The following RGS6 variants were observed in gnomAD, a reference collection of about 807,000 sequenced individuals.
The protein encoded by RGS6 is regulator of G protein signaling 6.
A neutral mutation model predicts 78.5 loss-of-function variants in RGS6; 30 were observed. The ratio of observed to expected loss-of-function variants is 0.38; its 90% CI spans 0.29 to 0.52. The LOEUF is 0.52. RGS6 is among the 20% of genes least tolerant of loss of function. RGS6 has a pLI of 0.85. For missense variants in RGS6, 495 were observed against 609.7 expected (o/e 0.81, Z 1.98); for synonymous variants, 206 against 206.0 (o/e 1.00, Z 0.00).
intron 2 of RGS6, among the ~76,000 whole-genome samples, chr14:72,286,800 T>TCCCTC (rs1484335455): frequency 6.7e-6 from 1 of 149,662 alleles, no homozygotes; most frequent in Non-Finnish European, 1.5e-5. Context: ...CCCCTCCCCT[T>TCCCTC]CCCTCCCTTC....
chr14:72,381,731 T>C (rs2086175018), intron 3 of RGS6, among the ~76,000 whole-genome samples: 1 of 152,070 alleles, frequency 6.6e-6, no homozygotes, highest in African/African-American at 2.4e-5. Flanking sequence ...GTTTGAGATA[T>C]CAAAAGGAAT....
chr14:72,542,938 G>T (rs1008946109), intron 17 of RGS6, among the ~76,000 whole-genome samples: 1 of 151,546 alleles, frequency 6.6e-6, no homozygotes, highest in Non-Finnish European at 1.5e-5. Context: ...GGCCATGTTA[G>T]TTTGGGTGAC....
intron 3 of RGS6, among the ~76,000 whole-genome samples, chr14:72,360,775 C>G (rs1015703589): frequency 3.9e-5 from 6 of 152,068 alleles, no homozygotes; most frequent in Non-Finnish European, 8.8e-5. Flanking sequence ...TTGATTGTGA[C>G]TGATATGGTT....
chr14:72,084,122 T>G (rs2094931226), intron 2 of RGS6, among the ~76,000 whole-genome samples: 2 of 152,148 alleles, frequency 1.3e-5, no homozygotes, highest in Admixed American at 6.5e-5. Flanking sequence ...GGAAGACAAT[T>G]TTTCCCTGGA....
At chr14:72,414,412 C>A (rs2093653630) in intron 3 of RGS6, among the ~76,000 whole-genome samples, 1 of 152,208 alleles carries the variant, frequency 6.6e-6, no homozygotes, top group South Asian at 2.1e-4. Flanking sequence ...GTTTTCAGCT[C>A]CATCAGGTCC....
At chr14:72,444,081 C>T (rs191912139) in intron 3 of RGS6, among the ~76,000 whole-genome samples, 13 of 152,180 alleles carry the variant, frequency 8.5e-5, no homozygotes, top group African/African-American at 2.2e-4. Flanking sequence ...ACGTCTGCTG[C>T]TGCCCACATC....
intron 2 of RGS6, among the ~76,000 whole-genome samples, chr14:72,091,637 A>G (rs908630859): frequency 6.6e-6 from 1 of 152,176 alleles, no homozygotes; most frequent in African/African-American, 2.4e-5. Flanking sequence ...GAGAATGTAA[A>G]TGGTTTGGCT....
At chr14:72,598,764 A>G in the RGS6 span, among the ~76,000 whole-genome samples, 1 of 152,238 alleles carries the variant, frequency 6.6e-6, no homozygotes, top group Non-Finnish European at 1.5e-5. Flanking sequence ...TCTCTGTGCT[A>G]TGCCAGCAGG....
intron 2 of RGS6, among the ~76,000 whole-genome samples, chr14:72,262,062 A>C (rs1462604216): frequency 1.3e-5 from 2 of 151,936 alleles, no homozygotes; most frequent in Non-Finnish European, 2.9e-5. Context: ...TAATTGCATT[A>C]GTCACTAGTA....
intron 3 of RGS6, among the ~76,000 whole-genome samples, chr14:72,385,247 CT>C (rs1328056030): frequency 2.0e-5 from 3 of 152,132 alleles, no homozygotes; most frequent in African/African-American, 4.8e-5. Context: ...AAATTACATC[CT>C]TTGCGGTTAT....
chr14:72,265,126 G>A (rs2058820967), intron 2 of RGS6, among the ~76,000 whole-genome samples: 1 of 152,224 alleles, frequency 6.6e-6, no homozygotes, highest in Admixed American at 6.5e-5. Flanking sequence ...TACTCAGTAT[G>A]AAGATTTTCA....
intron 2 of RGS6, among the ~76,000 whole-genome samples, chr14:72,333,283 G>C (rs773642626): frequency 2.6e-5 from 4 of 152,202 alleles, no homozygotes; most frequent in Non-Finnish European, 5.9e-5. Context: ...GTTAGGTTGA[G>C]GCTTTGTCCT....
At chr14:72,576,908 G>A in the RGS6 span, among the ~76,000 whole-genome samples, 1 of 152,216 alleles carries the variant, frequency 6.6e-6, no homozygotes, top group African/African-American at 2.4e-5. Flanking sequence ...GAGATGCCTT[G>A]TGCCTTTCAG....
rs147085020 is a variant in RGS6 at position 72,504,744 on chromosome 14, CTCCTT to C, written c.966-5387_966-5383del. On this transcript the variant is annotated intron_variant, in intron 13 of 17. Coordinates refer to ENST00000553525, the MANE Select transcript of RGS6 (RefSeq NM_001204424.2). ...CCCCTCCCCTCCTCTCCCCTTCCCTCTCCTTTCCTTTCCTTTCCTTTCCTTTCAAG... is the reference window on the plus strand; with the variant it reads ...CCCCTCCCCTCCTCTCCCCTTCCCTCTCCTTTCCTTTCCTTTCCTTTCAAG... Among the ~76,000 whole-genome samples the C allele has an allele frequency of 4.2e-3, 628 of 148,024 alleles. 3 individuals are homozygous for C. The highest frequency in any genetic ancestry group is 0.015 in the African/African-American group (587 of 38,810).
chr14:72,126,456 A>G, intron 2 of RGS6, among the ~76,000 whole-genome samples: 1 of 152,234 alleles, frequency 6.6e-6, no homozygotes, highest in Non-Finnish European at 1.5e-5. Flanking sequence ...TGCTGTTTCC[A>G]GCATAGATGT....
intron 2 of RGS6, among the ~76,000 whole-genome samples, chr14:72,026,817 A>C (rs2089958315): frequency 6.6e-6 from 1 of 152,188 alleles, no homozygotes; most frequent in Admixed American, 6.5e-5. Flanking sequence ...TATTTGAAAA[A>C]ACAAGCACAC....
the RGS6 span, among the ~76,000 whole-genome samples, chr14:71,920,773 C>T: frequency 6.6e-6 from 1 of 152,146 alleles, no homozygotes; most frequent in African/African-American, 2.4e-5. Flanking sequence ...TACTAGAATG[C>T]AGGTTAAATA....
In RGS6 at chr14:72,464,403, G is replaced by C. The variant is rs529730087; in HGVS notation, c.395-1355G>C. On this transcript the variant is annotated intron_variant, in intron 6 of 17. Coordinates refer to ENST00000553525, the MANE Select transcript of RGS6 (RefSeq NM_001204424.2). ...GAACAACCACAACTGACTCCTATGA[G>C]CACACAATTCGCCGGGTGGAAGCAG... is the stretch of plus-strand genomic sequence containing the variant. Among the ~76,000 whole-genome samples, 50 of 152,344 alleles carry C rather than the reference G, an allele frequency of 3.3e-4. 1 individual carries two copies. Among genetic ancestry groups the C allele is most frequent in the South Asian group, 8.3e-4 (4 of 4,828 alleles).
intron 2 of RGS6, among the ~76,000 whole-genome samples, chr14:72,194,633 A>C (rs1163798345): frequency 6.6e-6 from 1 of 152,218 alleles, no homozygotes; most frequent in African/African-American, 2.4e-5. Context: ...AAGTGCTGGG[A>C]TTACAGGCGT....
Sources: allele counts gnomAD v4.1 joint callset (sites outside exome capture counted in the v4.1 genomes callset), GRCh38; gene constraint gnomAD v4.1.1; transcripts MANE v1.5; gene names NCBI Gene and HGNC (gene_info 2026-07-23, HGNC 2026-07-21).